The following DPP10 variants were observed in gnomAD, a reference collection of about 807,000 sequenced individuals.
DPP10 encodes dipeptidyl peptidase like 10, also known as inactive dipeptidyl peptidase 10.
A neutral mutation model predicts 120.9 loss-of-function variants in DPP10; 33 were observed. The ratio of observed to expected loss-of-function variants is 0.27; its 90% CI spans 0.21 to 0.37. The LOEUF (loss-of-function observed/expected upper bound fraction) is 0.37, where lower values mean the gene tolerates loss of function less well. Ranked by LOEUF, DPP10 falls within the 10% of genes least tolerant of loss-of-function variation. The pLI, the probability that DPP10 is intolerant of heterozygous loss-of-function variation, is 1.00. For missense variants in DPP10, 816 were observed against 942.8 expected (o/e 0.87, Z 1.76); for synonymous variants, 337 against 326.1 (o/e 1.03, Z -0.36).
chr2:114,542,400 AC>A (rs1489935407), intron 1 of DPP10, among the ~76,000 whole-genome samples: 1 of 152,102 alleles, frequency 6.6e-6, no homozygotes, highest in Non-Finnish European at 1.5e-5. Flanking sequence ...GGAATGGCAT[AC>A]CAGTTCTCCC....
chr2:115,373,694 C>G (rs938067119), intron 3 of DPP10, among the ~76,000 whole-genome samples: 2 of 151,916 alleles, frequency 1.3e-5, no homozygotes, highest in African/African-American at 4.8e-5. Flanking sequence ...TTGCAATTTA[C>G]TAGTTGTATT....
intron 1 of DPP10, among the ~76,000 whole-genome samples, chr2:115,254,144 A>G (rs2058870943): frequency 6.6e-6 from 1 of 151,522 alleles, no homozygotes; most frequent in African/African-American, 2.4e-5. Context: ...GGTAATTTAT[A>G]AGGAAAGAGG....
chr2:115,786,352 GA>G (rs1683343763), intron 17 of DPP10, among the ~76,000 whole-genome samples: 1 of 152,174 alleles, frequency 6.6e-6, no homozygotes, highest in African/African-American at 2.4e-5. Context: ...TATGAGGCCA[GA>G]GGGGCAGACT....
chr2:115,070,309 G>A (rs1236945982), intron 1 of DPP10, among the ~76,000 whole-genome samples: 5 of 152,158 alleles, frequency 3.3e-5, no homozygotes, highest in African/African-American at 9.6e-5. Context: ...CACTCATTTA[G>A]TACATTATTG....
At chr2:115,682,324 C>G (rs1267332341) in intron 5 of DPP10, among the ~76,000 whole-genome samples, 2 of 151,790 alleles carry the variant, frequency 1.3e-5, no homozygotes, top group African/African-American at 4.8e-5. Flanking sequence ...AGGTCTGGTC[C>G]ATGAAAATAT....
intron 5 of DPP10, among the ~76,000 whole-genome samples, chr2:115,590,254 G>C (rs2082560190): frequency 6.6e-6 from 1 of 150,998 alleles, no homozygotes; most frequent in South Asian, 2.1e-4. Context: ...TGCCATGTTG[G>C]TGTGCCGCAC....
chr2:115,235,180 G>A (rs774974153), intron 1 of DPP10, among the ~76,000 whole-genome samples: 2 of 152,166 alleles, frequency 1.3e-5, no homozygotes, highest in Non-Finnish European at 2.9e-5. Context: ...AGGAAGTTCA[G>A]AGAATTGGAC....
intron 1 of DPP10, among the ~76,000 whole-genome samples, chr2:115,225,578 A>C (rs2057396051): frequency 6.6e-6 from 1 of 151,918 alleles, no homozygotes; most frequent in African/African-American, 2.4e-5. Context: ...CTGGGGATAG[A>C]TTTGCCAATC....
At chr2:114,945,580 C>T (rs113254330) in intron 1 of DPP10, among the ~76,000 whole-genome samples, 8,049 of 152,054 alleles carry the variant, frequency 0.053, 322 homozygotes, top group Middle Eastern at 0.088. Flanking sequence ...TTTGGGAGGC[C>T]GAGGCGGGTG....
intron 9 of DPP10, among the ~76,000 whole-genome samples, chr2:115,745,173 C>T (rs148282122): frequency 5.3e-5 from 8 of 150,554 alleles, no homozygotes; most frequent in African/African-American, 1.4e-4. Context: ...GCGCAATATT[C>T]GCATTGTAGT....
intron 1 of DPP10, among the ~76,000 whole-genome samples, chr2:114,975,047 T>C (rs1038738591): frequency 2.0e-5 from 3 of 151,840 alleles, no homozygotes; most frequent in Non-Finnish European, 2.9e-5. Flanking sequence ...ATTTGCTTTT[T>C]TTTTTTTTTG....
At chr2:114,985,643 A>G (rs1700348859) in intron 1 of DPP10, among the ~76,000 whole-genome samples, 1 of 152,228 alleles carries the variant, frequency 6.6e-6, no homozygotes, top group Non-Finnish European at 1.5e-5. Flanking sequence ...ATGGGCAATG[A>G]ACAAGTTCTT....
intron 1 of DPP10, among the ~76,000 whole-genome samples, chr2:114,513,468 C>G (rs896966490): frequency 6.8e-5 from 10 of 146,908 alleles, no homozygotes; most frequent in Non-Finnish European, 4.4e-5. Context: ...TGGCAGTGAG[C>G]CAAGATTGCA....
intron 1 of DPP10, among the ~76,000 whole-genome samples, chr2:114,619,560 A>G (rs1287740069): frequency 6.6e-6 from 1 of 151,774 alleles, no homozygotes; most frequent in Non-Finnish European, 1.5e-5. Flanking sequence ...CCAAACCACA[A>G]CTCTGAAAGG....
At chr2:115,705,692 A>T (rs1013811605) in intron 7 of DPP10, among the ~76,000 whole-genome samples, 1 of 151,914 alleles carries the variant, frequency 6.6e-6, no homozygotes, top group Admixed American at 6.6e-5. Context: ...ATAAATTTGG[A>T]CCACTTTTTT....
intron 3 of DPP10, among the ~76,000 whole-genome samples, chr2:115,389,488 C>T (rs892031623): frequency 3.9e-5 from 6 of 152,170 alleles, no homozygotes; most frequent in South Asian, 2.1e-4. Context: ...TTTTCTGCTA[C>T]CTCTCACATG....
chr2:114,748,537 A>C (rs1484236312), intron 1 of DPP10, among the ~76,000 whole-genome samples: 1 of 116,276 alleles, frequency 8.6e-6, no homozygotes, highest in African/African-American at 3.3e-5. Flanking sequence ...ATATCTCCCA[A>C]TGCTATCCCT....
rs140828536 is a variant in DPP10 at position 115,014,360 on chromosome 2, T to G, written c.61-294879T>G. On this transcript the variant is annotated intron_variant, in intron 1 of 25. Coordinates refer to ENST00000410059, the MANE Select transcript of DPP10 (RefSeq NM_020868.6). ...AGCTAAAACATAGTTTAGAGGGAAATTTACAGCTCTAAATACCCACAGGAG... is the reference window on the plus strand; with the variant it reads ...AGCTAAAACATAGTTTAGAGGGAAAGTTACAGCTCTAAATACCCACAGGAG... Among the ~76,000 whole-genome samples, 34 of 152,186 alleles carry G rather than the reference T, an allele frequency of 2.2e-4. 1 individual carries two copies. In the East Asian group the frequency reaches 6.6e-3, roughly 29 times the overall value.
At chr2:115,695,044 G>A (rs2091512378) in intron 7 of DPP10, among the ~76,000 whole-genome samples, 1 of 152,160 alleles carries the variant, frequency 6.6e-6, no homozygotes, top group South Asian at 2.1e-4. Flanking sequence ...CAGCTGAAGT[G>A]AATTCTAAGG....
Sources: gnomAD v4.1 joint callset for allele counts (sites outside exome capture counted in the v4.1 genomes callset) on GRCh38, gnomAD v4.1.1 for gene constraint, MANE v1.5 for transcripts, NCBI Gene and HGNC (gene_info 2026-07-23, HGNC 2026-07-21) for gene names.